The following USP15 variants were observed in gnomAD, a reference collection of about 807,000 sequenced individuals.
USP15 encodes the protein ubiquitin carboxyl-terminal hydrolase 15.
In USP15, 18 loss-of-function variants were observed where a neutral mutation model predicts 127.1. The observed-to-expected ratio is 0.14, with a 90% CI of 0.10 to 0.21. USP15 has a LOEUF of 0.21. USP15 is among the 10% of genes least tolerant of loss of function. The pLI is 1.00. For synonymous variants in USP15, 364 were observed against 393.7 expected (o/e 0.92, Z 0.89); for missense variants, 805 against 1,159.9 (o/e 0.69, Z 4.44).
chr12:62,328,541 A>G (rs2065198209), intron 6 of USP15: 1 of 198,350 alleles, frequency 5.0e-6, no homozygotes, highest in African/African-American at 2.3e-5. Flanking sequence ...CTTCATGGGA[A>G]AAAAAAAATC....
chr12:62,387,742 A>G lies in USP15; in HGVS notation c.1474-1689A>G, dbSNP rs554203193. On this transcript the variant is annotated intron_variant, in intron 11 of 21. Coordinates refer to ENST00000280377, the MANE Select transcript of USP15 (RefSeq NM_001252078.2). ...TCATTAATAAAGTTATTTATAAAAT[A>G]GAGGAGAAGGGGAGATAATTAGAGG... is the stretch of plus-strand genomic sequence containing the variant. Among the ~76,000 whole-genome samples, 3 of 152,286 alleles carry G rather than the reference A, an allele frequency of 2.0e-5. No homozygotes were observed. The East Asian group carries it at 5.8e-4, about 29-fold the overall frequency.
chr12:62,349,336 TTTAA>T (rs2065904572), intron 7 of USP15, 29 bp downstream of exon 7: 1 of 1,401,798 alleles, frequency 7.1e-7, no homozygotes, highest in South Asian at 1.5e-5. Flanking sequence ...AAACTCTTTG[TTTAA>T]TTGATCACCC....
intron 6 of USP15, among the ~76,000 whole-genome samples, chr12:62,343,513 G>C (rs982685558): frequency 6.6e-6 from 1 of 152,184 alleles, no homozygotes; most frequent in Non-Finnish European, 1.5e-5. Flanking sequence ...ACCCAGTTTT[G>C]TGCTTGAAAC....
intron 2 of USP15, 105 bp from the exon 3 acceptor site, chr12:62,302,685 T>G (rs2064352623): frequency 1.5e-6 from 2 of 1,323,464 alleles, no homozygotes; most frequent in Non-Finnish European, 1.0e-6. Flanking sequence ...CTTTAGAGCT[T>G]AAAACTTGTT....
Position 62,410,281 on chromosome 12 carries a change from A to G in USP15, c.*5906A>G, listed in dbSNP as rs931852447. The stretch of plus-strand genomic sequence containing the variant: ...CTCCCTAATAGAAGCACCAAGGATT[A>G]TCTATTTGTAATCACATTGTGGTGA... On this transcript the variant is annotated 3_prime_UTR_variant, in exon 22 of 22. Transcript: ENST00000280377. The G allele has an allele frequency of 2.0e-5, 3 of 152,168 alleles. No homozygotes were observed. The highest frequency in any genetic ancestry group is 2.9e-5 in the Non-Finnish European group (2 of 68,014). 9.4% of individuals were successfully genotyped at this position (152,168 alleles called of 1,614,324 possible). A position where few individuals can be genotyped will look rare whatever the true frequency, so the allele number is the denominator to read the frequency against.
At chr12:62,283,745 C>T (rs2063716254) in intron 1 of USP15, among the ~76,000 whole-genome samples, 1 of 152,114 alleles carries the variant, frequency 6.6e-6, no homozygotes, top group Non-Finnish European at 1.5e-5. Context: ...GAGTTTGAGA[C>T]CAGCCTGGCT....
chr12:62,361,656 A>G (rs2066320844), intron 8 of USP15, among the ~76,000 whole-genome samples: 1 of 151,992 alleles, frequency 6.6e-6, no homozygotes, highest in African/African-American at 2.4e-5. Context: ...AAGCAAAACA[A>G]AAGAAATGTC....
intron 6 of USP15, chr12:62,328,491 TA>T (rs1190586276): frequency 4.7e-6 from 1 of 211,296 alleles, no homozygotes; most frequent in Non-Finnish European, 1.0e-5. Context: ...ACTTAGAAAA[TA>T]GTCTAACAAA....
chr12:62,270,393 T>A (rs1477041296), intron 1 of USP15, among the ~76,000 whole-genome samples: 1 of 152,130 alleles, frequency 6.6e-6, no homozygotes, highest in Non-Finnish European at 1.5e-5. Flanking sequence ...GTTTTTTCCT[T>A]TGTCACTTTT....
At chr12:62,369,189 A>G (rs903807169) in intron 8 of USP15, among the ~76,000 whole-genome samples, 6 of 152,226 alleles carry the variant, frequency 3.9e-5, no homozygotes, top group Non-Finnish European at 5.9e-5. Context: ...CTTTGAGTCT[A>G]TGGGACATAA....
intron 8 of USP15, among the ~76,000 whole-genome samples, chr12:62,373,185 A>T (rs12814369): frequency 0.064 from 9,759 of 152,092 alleles, 402 homozygotes; most frequent in Middle Eastern, 0.095. Context: ...TCACATAATC[A>T]TGGCTTTTTT....
chr12:62,265,703 C>T (rs986052265), intron 1 of USP15, among the ~76,000 whole-genome samples: 11 of 152,104 alleles, frequency 7.2e-5, no homozygotes, highest in Non-Finnish European at 1.5e-5. Flanking sequence ...TGCGCCACCA[C>T]ACCCAGCTAA....
intron 7 of USP15, among the ~76,000 whole-genome samples, chr12:62,350,537 A>C (rs960071848): frequency 1.3e-5 from 2 of 152,238 alleles, no homozygotes; most frequent in Admixed American, 1.3e-4. Context: ...TAAAGGATTT[A>C]TATTCTAAAT....
chr12:62,321,965 C>G (rs938996534), intron 5 of USP15, among the ~76,000 whole-genome samples: 2 of 152,156 alleles, frequency 1.3e-5, no homozygotes, highest in Non-Finnish European at 2.9e-5. Context: ...CATAAAGTAG[C>G]ATCTAAAACA....
intron 1 of USP15, among the ~76,000 whole-genome samples, chr12:62,290,727 C>T (rs571473771): frequency 1.1e-4 from 16 of 152,214 alleles, no homozygotes; most frequent in Admixed American, 8.5e-4. Context: ...TACTTTCTTA[C>T]ATTTTTATGA....
intron 8 of USP15, among the ~76,000 whole-genome samples, chr12:62,362,309 T>G (rs2066343971): frequency 6.6e-6 from 1 of 152,168 alleles, no homozygotes; most frequent in South Asian, 2.1e-4. Context: ...ATTCACATGT[T>G]GTACAATTAT....
intron 1 of USP15, among the ~76,000 whole-genome samples, chr12:62,292,446 C>T (rs1392003019): frequency 2.0e-5 from 3 of 152,220 alleles, no homozygotes; most frequent in African/African-American, 7.2e-5. Flanking sequence ...TCTCATGAAC[C>T]TGGGCCCAGA....
chr12:62,297,192 TAAC>T (rs746669815), intron 2 of USP15, among the ~76,000 whole-genome samples: 3 of 151,944 alleles, frequency 2.0e-5, no homozygotes, highest in African/African-American at 7.3e-5. Context: ...TGGGGGAAGT[TAAC>T]AACAAAAGAA....
rs115529543 is a variant in USP15, at chr12:62,345,728, C to G, written c.684-3493C>G. On this transcript the variant is annotated intron_variant, in intron 6 of 21. Coordinates refer to ENST00000280377, the MANE Select transcript of USP15 (RefSeq NM_001252078.2). ...GAAGAAAGAGGTTCATTGGACTTAACAGTTCCACGTTTCTGGGGTGGGGGG... is the reference window on the plus strand; with the variant it reads ...GAAGAAAGAGGTTCATTGGACTTAAGAGTTCCACGTTTCTGGGGTGGGGGG... Among the ~76,000 whole-genome samples the G allele has an allele frequency of 1.8e-3, 267 of 152,234 alleles. 2 individuals carry two copies. Among genetic ancestry groups the G allele is most frequent in the African/African-American group, 6.2e-3 (258 of 41,532 alleles).
Sources: allele counts gnomAD v4.1 joint callset (sites outside exome capture counted in the v4.1 genomes callset), GRCh38; gene constraint gnomAD v4.1.1; transcripts MANE v1.5; gene names NCBI Gene and HGNC (gene_info 2026-07-23, HGNC 2026-07-21).